Variants in POLQ observed in about 807,000 individuals in gnomAD.
POLQ encodes the protein epididymis secretory sperm binding protein.
In POLQ, 233 loss-of-function variants were observed where a neutral mutation model predicts 259.2. The observed-to-expected ratio is 0.90, with a 90% CI of 0.81 to 1.00. The LOEUF is 1.00. Among genes scored for constraint, POLQ ranks in the 50% least tolerant of loss-of-function variants. POLQ has a pLI of 0.00. For synonymous variants in POLQ, 1,025 were observed against 1,048.8 expected (o/e 0.98, Z 0.44); for missense variants, 2,871 against 3,051.6 (o/e 0.94, Z 1.39).
intron 24 of POLQ, among the ~76,000 whole-genome samples, chr3:121,461,296 C>A (rs150316382): frequency 7.2e-4 from 109 of 152,300 alleles, no homozygotes; most frequent in Non-Finnish European, 1.4e-3. Flanking sequence ...CACAGACTAC[C>A]TGAACATAGT....
Position 121,483,527 on chromosome 3 carries a change from G to A in POLQ, c.5829C>T (p.Asp1943=). The A allele has an allele frequency of 6.3e-7, 1 of 1,592,908 alleles. No individual in the cohort carries two copies. Among genetic ancestry groups the A allele is most frequent in the Non-Finnish European group, 8.5e-7 (1 of 1,172,752 alleles). ...AGCAAGATTGAAGGTACCACATCCT[G>A]TCTTTCAAAGTCAGGCTTGGATCTA... ...PSLDPSLTLK[D]RMWYLQSCLR... Residue 1943 remains aspartate (D), a synonymous_variant, in exon 18 of 30, where the codon GAC becomes GAT. Transcript: ENST00000264233.
chr3:121,439,734 T>C (rs73191785), intron 27 of POLQ, among the ~76,000 whole-genome samples: 5,501 of 152,354 alleles, frequency 0.036, 148 homozygotes, highest in Middle Eastern at 0.082. Context: ...AATAATTGGT[T>C]TACTGCAACA....
chr3:121,482,520 C>A (rs1384087962), intron 18 of POLQ, among the ~76,000 whole-genome samples: 84 of 139,530 alleles, frequency 6.0e-4, no homozygotes, highest in South Asian at 9.1e-4. Flanking sequence ...AACTTCGTCT[C>A]AAAAAAAAAA....
At position 121,481,572 on chromosome 3, in the gene POLQ, C is replaced by G; in HGVS notation, c.6211G>C (p.Asp2071His). Residue 2071 changes from aspartate to histidine, a missense_variant and splice_region_variant, in exon 19 of 30, where the codon GAT becomes CAT. This residue lies in a region of POLQ where 2,080 missense variants were observed against 2,126.0 expected (regional missense o/e 0.98). Coordinates refer to ENST00000264233, the MANE Select transcript of POLQ (RefSeq NM_199420.4). ...NSLLQKENLQDVFRKVEMPSQ... is the reference protein window; with the variant it reads ...NSLLQKENLQHVFRKVEMPSQ... The stretch of plus-strand genomic sequence containing the variant: ...AAAATGCCAGAAACTTGGTTTTTAC[C>G]TTGAAGGTTTTCCTTCTGCAACAAA... 6.3e-7 allele frequency: 1 copy of G among 1,585,690 alleles called. No homozygotes were observed. Among genetic ancestry groups the G allele is most frequent in the Admixed American group, 1.8e-5 (1 of 55,454 alleles).
intron 22 of POLQ, 45 bp from the exon 23 acceptor site, chr3:121,468,476 TA>T: frequency 2.1e-6 from 3 of 1,445,196 alleles, no homozygotes; most frequent in Non-Finnish European, 2.9e-6. Context: ...AAAAAAAATC[TA>T]GTATTTGTCT....
intron 12 of POLQ, among the ~76,000 whole-genome samples, chr3:121,507,819 C>G (rs1251752878): frequency 6.6e-6 from 1 of 152,086 alleles, no homozygotes; most frequent in African/African-American, 2.4e-5. Flanking sequence ...ATTCCTATAA[C>G]TTTTTCTCAG....
chr3:121,462,430 G>A (rs936857319), intron 24 of POLQ, among the ~76,000 whole-genome samples: 1 of 152,096 alleles, frequency 6.6e-6, no homozygotes. Flanking sequence ...CGCTGTATCT[G>A]TCTCTGAACT....
chr3:121,476,543 A>C lies in POLQ; in HGVS notation c.6402T>G (p.Ala2134=), dbSNP rs769593798. The change falls in exon 20 of 30, where the codon GCT becomes GCG. Residue 2134 remains alanine, a synonymous_variant. Transcript: ENST00000264233. ...ATCCCTAGCCCCATGATACAACCTCAGCGATGTCATCTGAACTGGTGAAAG... is the reference window on the plus strand; with the variant it reads ...ATCCCTAGCCCCATGATACAACCTCCGCGATGTCATCTGAACTGGTGAAAG... ...SFSFTSSDDI[A]EVLFLELKLP... 6.2e-7 allele frequency: 1 copy of C among 1,610,798 alleles called. No homozygotes were observed. Among genetic ancestry groups the C allele is most frequent in the Non-Finnish European group, 8.5e-7 (1 of 1,177,814 alleles).
chr3:121,452,424 C>G (rs1351425722), intron 25 of POLQ, among the ~76,000 whole-genome samples: 1 of 152,102 alleles, frequency 6.6e-6, no homozygotes, highest in African/African-American at 2.4e-5. Flanking sequence ...CTGCCCCCCA[C>G]CGCCACGTTT....
chr3:121,495,211 T>G (rs1211269147), intron 14 of POLQ, among the ~76,000 whole-genome samples: 2 of 151,184 alleles, frequency 1.3e-5, no homozygotes, highest in Non-Finnish European at 3.0e-5. Context: ...GCGGGGGTTG[T>G]GGTGAGCCGA....
intron 16 of POLQ, 80 bp downstream of exon 16, chr3:121,487,222 A>T: frequency 1.3e-6 from 1 of 742,602 alleles, no homozygotes. Context: ...TTTAATATCT[A>T]ACATTGAGAA....
intron 25 of POLQ, among the ~76,000 whole-genome samples, chr3:121,459,508 A>T (rs1217035645): frequency 6.6e-6 from 1 of 151,220 alleles, no homozygotes; most frequent in Non-Finnish European, 1.5e-5. Context: ...CAGCCTCCCA[A>T]GTAGCTGGGA....
chr3:121,472,611 A>G (rs1272800074), intron 21 of POLQ, among the ~76,000 whole-genome samples: 1 of 152,188 alleles, frequency 6.6e-6, no homozygotes, highest in African/African-American at 2.4e-5. Flanking sequence ...TGAATTTTTC[A>G]TACTATAGAC....
At chr3:121,476,001 T>C (rs186090983) in intron 20 of POLQ, among the ~76,000 whole-genome samples, 1 of 152,122 alleles carries the variant, frequency 6.6e-6, no homozygotes, top group Admixed American at 6.5e-5. Context: ...ACCAAGTTCC[T>C]CATTTTCTTT....
In POLQ at chr3:121,493,616, T is replaced by A. The variant is rs1355129356; in HGVS notation, c.2384A>T (p.Asp795Val). Residue 795 changes from aspartate (D) to valine (V), a missense_variant, in exon 15 of 30, where the codon GAC (aspartate) becomes GTC (valine). This residue lies in a region of POLQ where 2,080 missense variants were observed against 2,126.0 expected (regional missense o/e 0.98). Coordinates refer to ENST00000264233, the MANE Select transcript of POLQ (RefSeq NM_199420.4). Reference protein sequence around the residue: ...LTFGIQRELCDLVRVSLLNAQ... With the variant: ...LTFGIQRELCVLVRVSLLNAQ... ...ATTTAGTAAGGATACCCGAACCAGG[T>A]CACACAGCTCCCTCTGGATGCCAAA... The A allele has an allele frequency of 1.9e-6, 3 of 1,614,110 alleles. No individual in the cohort carries two copies. The highest frequency in any genetic ancestry group is 2.5e-6 in the Non-Finnish European group (3 of 1,180,024).
chr3:121,449,245 A>G, intron 26 of POLQ, 70 bp downstream of exon 26: 4 of 795,250 alleles, frequency 5.0e-6, no homozygotes, highest in Non-Finnish European at 8.4e-6. Context: ...AGAAAATTCC[A>G]TTACACAAAT....
intron 25 of POLQ, among the ~76,000 whole-genome samples, chr3:121,453,997 C>T (rs928373342): frequency 2.6e-5 from 4 of 152,140 alleles, no homozygotes; most frequent in East Asian, 1.9e-4. Flanking sequence ...TCGGGTTACC[C>T]ACAAAGGGAA....
At chr3:121,494,641 G>C in intron 14 of POLQ, 1 of 1,511,628 alleles carries the variant, frequency 6.6e-7, no homozygotes, top group Non-Finnish European at 9.1e-7. Flanking sequence ...GTAAAATGGG[G>C]GTCCCTTACT....
At chr3:121,494,361 A>T in intron 14 of POLQ, 1 of 1,597,266 alleles carries the variant, frequency 6.3e-7, no homozygotes, top group South Asian at 1.1e-5. Context: ...CAGTTCACCC[A>T]GGCCCTGGAC....
Sources: allele counts gnomAD v4.1 joint callset (sites outside exome capture counted in the v4.1 genomes callset), GRCh38; gene constraint gnomAD v4.1.1; regional missense constraint gnomAD v4.1.1; transcripts MANE v1.5; gene names NCBI Gene and HGNC (gene_info 2026-07-23, HGNC 2026-07-21).